Variants in KCNQ2 observed in about 807,000 individuals in gnomAD.
KCNQ2 encodes potassium voltage-gated channel subfamily KQT member 2.
Under a neutral mutation model 84.8 loss-of-function variants are expected in KCNQ2, and 14 were observed. That is an observed-to-expected ratio of 0.17 (90% CI 0.11 to 0.26). KCNQ2 has a LOEUF of 0.26. Among genes scored for constraint, KCNQ2 ranks in the 10% least tolerant of loss-of-function variants. The probability of loss-of-function intolerance (pLI) is 1.00; values close to 1 mark genes in which losing one functional copy is unlikely to be tolerated. For missense variants in KCNQ2, 788 were observed against 1,254.0 expected (o/e 0.63, Z 5.61); for synonymous variants, 599 against 554.1 (o/e 1.08, Z -1.14).
rs370777198 is a variant in KCNQ2 at position 63,439,607 on chromosome 20, C to A, written c.918G>T (p.Ala306=). Residue 306 remains alanine (A), a synonymous_variant, in exon 6 of 17, where the codon GCG becomes GCT. Coordinates refer to ENST00000359125, the MANE Select transcript of KCNQ2 (RefSeq NM_172107.4). ...GGGCAGCTGGACTTACTGCAGGCAG[C>A]GCGAAGAAGGAGACACCGATGAGGG... The part of the protein sequence containing the change: ...TFTLIGVSFF[A]LPAGILGSGF... 1.2e-6 allele frequency: 2 copies of A among 1,612,136 alleles called. No individual in the cohort carries two copies. The highest frequency in any genetic ancestry group is 1.6e-4 in the Middle Eastern group (1 of 6,062).
rs2145476114 is a variant in KCNQ2 at position 63,405,773 on chromosome 20, TG to T, written c.*870del. On this transcript the variant is annotated 3_prime_UTR_variant, in exon 17 of 17. Coordinates refer to ENST00000359125, the MANE Select transcript of KCNQ2 (RefSeq NM_172107.4). ...GTCCTGCCCCCCCGGTCTCCAAGGC[TG>T]GGGTGCTGCTGGCTCTCACGCACCC... 1 of 152,494 alleles carries T rather than the reference TG, an allele frequency of 6.6e-6. No homozygotes were observed. Among genetic ancestry groups the T allele is most frequent in the South Asian group, 2.1e-4 (1 of 4,824 alleles). 9.4% of individuals were successfully genotyped at this position (152,494 alleles called of 1,614,324 possible). A position where few individuals can be genotyped will look rare whatever the true frequency, so the allele number is the denominator to read the frequency against.
At position 63,425,956 on chromosome 20, in the gene KCNQ2, C is replaced by T. The variant is rs74394966; in HGVS notation, c.1218-1750G>A. On this transcript the variant is annotated intron_variant, in intron 10 of 16. Transcript: ENST00000359125. This position sits in a 1 kb window ranked among gnomAD's most constrained non-coding sequence, Gnocchi z 5.5. The stretch of plus-strand genomic sequence containing the variant: ...ATGACAGAGGGGCCGCCGGCCACCA[C>T]GTTTCCAATCCGGCGGGGCAAACTC... Among the ~76,000 whole-genome samples the T allele has an allele frequency of 1.3e-5, 2 of 152,198 alleles. No individual in the cohort carries two copies. The highest frequency in any genetic ancestry group is 2.1e-4 in the South Asian group (1 of 4,826).
In KCNQ2 at chr20:63,445,371, G is replaced by C. The variant is rs1482434185; in HGVS notation, c.388-7C>G. 1.2e-6 allele frequency: 2 copies of C among 1,613,454 alleles called. No individual in the cohort carries two copies. The highest frequency in any genetic ancestry group is 1.7e-6 in the Non-Finnish European group (2 of 1,179,782). Reference sequence around the variant, plus strand: ...CCACGATAGTCACGATTTCCTGCAGGGGAGGAAAGCTGAGGCCACCTTGAG... The same window carrying C: ...CCACGATAGTCACGATTTCCTGCAGCGGAGGAAAGCTGAGGCCACCTTGAG... On this transcript the variant is annotated splice_polypyrimidine_tract_variant and splice_region_variant and intron_variant, in intron 2 of 16. Coordinates refer to ENST00000359125, the MANE Select transcript of KCNQ2 (RefSeq NM_172107.4).
At chr20:63,467,019 G>C (rs901745903) in intron 1 of KCNQ2, among the ~76,000 whole-genome samples, 4 of 152,194 alleles carry the variant, frequency 2.6e-5, no homozygotes, top group Non-Finnish European at 5.9e-5. Flanking sequence ...GGTCTCCCCC[G>C]GGGGACATCG....
At chr20:63,409,836 T>C (rs1234374494) in intron 15 of KCNQ2, 2 of 104,126 alleles carry the variant, frequency 1.9e-5, no homozygotes, top group Non-Finnish European at 3.8e-5. Flanking sequence ...CTGCCTCTGA[T>C]GGGGGCGGGA....
chr20:63,445,622 T>TGCGGACTCTATCCGGGCTA, intron 2 of KCNQ2: 2 of 581,602 alleles, frequency 3.4e-6, no homozygotes. Flanking sequence ...CTGTCTGAGC[T>TGCGGACTCTATCCGGGCTA]GGGGACTCTA....
At chr20:63,424,060 A>G in intron 11 of KCNQ2, 117 bp downstream of exon 11, 1 of 1,170,700 alleles carries the variant, frequency 8.5e-7, no homozygotes, top group Non-Finnish European at 1.2e-6. Flanking sequence ...ACACAGTCAC[A>G]CACGGAAGCA....
chr20:63,411,983 A>G, intron 15 of KCNQ2: 1 of 657,302 alleles, frequency 1.5e-6, no homozygotes, highest in African/African-American at 1.9e-5. Flanking sequence ...AGCAACAGGG[A>G]GGCTCCGTCG....
chr20:63,405,097 T>C lies in KCNQ2; in HGVS notation c.*1547A>G, dbSNP rs1300629904. 1.3e-5 allele frequency: 2 copies of C among 152,242 alleles called. No individual in the cohort carries two copies. The highest frequency in any genetic ancestry group is 3.9e-4 in the East Asian group (2 of 5,194). The allele number at this position is 152,242 out of a possible 1,614,324, so 9.4% of individuals were successfully genotyped here. A position where few individuals can be genotyped will look rare whatever the true frequency, so the allele number is the denominator to read the frequency against. On this transcript the variant is annotated 3_prime_UTR_variant, in exon 17 of 17. Transcript: ENST00000359125. ...TCAAAGTCCTCTCCCTCAGGACTGG[T>C]TCCCCTGCTGGCCTCAGGGCCTCAG...
chr20:63,442,644 AAAC>A (rs2081200822), intron 4 of KCNQ2, 113 bp from the exon 5 acceptor site: 1 of 788,040 alleles, frequency 1.3e-6, no homozygotes, highest in African/African-American at 3.2e-5. Context: ...ACCACCACCA[AAAC>A]CATCACCACC....
At chr20:63,424,234 T>C in intron 10 of KCNQ2, 28 bp from the exon 11 acceptor site, 1 of 1,552,566 alleles carries the variant, frequency 6.4e-7, no homozygotes, top group Non-Finnish European at 8.7e-7. Flanking sequence ...AGAGAGTTAG[T>C]GGCCGCCCAC....
At chr20:63,469,209 G>C (rs940055128) in intron 1 of KCNQ2, among the ~76,000 whole-genome samples, 1 of 152,198 alleles carries the variant, frequency 6.6e-6, no homozygotes, top group Non-Finnish European at 1.5e-5. Flanking sequence ...AGCCCCAGGG[G>C]CACATCATCT....
chr20:63,443,133 C>T (rs2081279929), intron 4 of KCNQ2, among the ~76,000 whole-genome samples: 2 of 111,094 alleles, frequency 1.8e-5, no homozygotes, highest in African/African-American at 3.6e-5. Context: ...CCACCACCAC[C>T]ATCATCACCA....
chr20:63,419,769 G>T, intron 11 of KCNQ2, 97 bp from the exon 12 acceptor site: 1 of 1,102,858 alleles, frequency 9.1e-7, no homozygotes. Flanking sequence ...AGGGTGTTGT[G>T]TGCAGTCCCC....
At position 63,446,194 on chromosome 20, in the gene KCNQ2, T is replaced by C; in HGVS notation, c.387+553A>G. The C allele has an allele frequency of 3.8e-6, 1 of 262,616 alleles. No individual in the cohort carries two copies. The allele number at this position is 262,616 out of a possible 1,614,324, so 16.3% of individuals were successfully genotyped here. ...GGTAACTGCAAAGGGGGCCACAGTC[T>C]CCACCCAGACCTTGGGAAGCCCCAG... On this transcript the variant is annotated intron_variant, in intron 2 of 16. Coordinates refer to ENST00000359125, the MANE Select transcript of KCNQ2 (RefSeq NM_172107.4). The surrounding 1 kb of genome is among the most constrained non-coding windows in gnomAD (Gnocchi z 5.5).
rs2081063381 is a variant in KCNQ2 at position 63,438,301 on chromosome 20, C to A, written c.1023+324G>T. 2.2e-6 allele frequency: 1 copy of A among 463,470 alleles called. No homozygotes were observed. Among genetic ancestry groups the A allele is most frequent in the Non-Finnish European group, 4.0e-6 (1 of 249,066 alleles). The allele number at this position is 463,470 out of a possible 1,614,324, so 28.7% of individuals were successfully genotyped here. On this transcript the variant is annotated intron_variant, in intron 7 of 16. Transcript: ENST00000359125. The surrounding 1 kb of genome is among the most constrained non-coding windows in gnomAD (Gnocchi z 5.1). ...CACTGCAGTGTGTGGGCTCTAGGAGCCTTGGCCCTGCAGCTGCAGAACGGG... is the reference window on the plus strand; with the variant it reads ...CACTGCAGTGTGTGGGCTCTAGGAGACTTGGCCCTGCAGCTGCAGAACGGG...
At chr20:63,418,662 G>T (rs769427459) in intron 12 of KCNQ2, among the ~76,000 whole-genome samples, 1 of 152,216 alleles carries the variant, frequency 6.6e-6, no homozygotes, top group African/African-American at 2.4e-5. Context: ...ACGCAGGACA[G>T]CTGCTAGCGC....
chr20:63,408,371 C>T lies in KCNQ2; in HGVS notation c.1887+42G>A, dbSNP rs774795360. 6.3e-7 allele frequency: 1 copy of T among 1,599,886 alleles called. No homozygotes were observed. The highest frequency in any genetic ancestry group is 8.5e-7 in the Non-Finnish European group (1 of 1,178,206). On this transcript the variant is annotated intron_variant, in intron 16 of 16. Transcript: ENST00000359125. The surrounding 1 kb of genome is among the most constrained non-coding windows in gnomAD (Gnocchi z 5.0). ...TGCCACAGGTTGACGGCAGGCACCA[C>T]AGCCCTCCAGCCCCGCACCCCTCCC...
intron 4 of KCNQ2, among the ~76,000 whole-genome samples, chr20:63,442,786 CATCACCATTACCACCACCATT>C (rs2145743894): frequency 1.6e-5 from 2 of 121,816 alleles, no homozygotes; most frequent in African/African-American, 3.2e-5. Context: ...CCACCACCAC[CATCACCATTACCACCACCATT>C]ACCACCACCA....
Sources: gnomAD v4.1 joint callset for allele counts (sites outside exome capture counted in the v4.1 genomes callset) on GRCh38, gnomAD v4.1.1 for gene constraint, Gnocchi (gnomAD v3.1) non-coding constraint, MANE v1.5 for transcripts, NCBI Gene and HGNC (gene_info 2026-07-23, HGNC 2026-07-21) for gene names.